AQP7: variants seen among roughly 807,000 people sequenced by gnomAD.
AQP7 encodes aquaporin-7.
Under a neutral mutation model 26.1 loss-of-function variants are expected in AQP7, and 22 were observed. That is an observed-to-expected ratio of 0.84 (90% CI 0.60 to 1.20). The LOEUF (loss-of-function observed/expected upper bound fraction) is 1.20. AQP7 is among the 50% of genes most tolerant of loss of function. The pLI is 0.00. For synonymous variants in AQP7, 167 were observed against 181.7 expected (o/e 0.92, Z 0.65); for missense variants, 412 against 457.5 (o/e 0.90, Z 0.91).
At chr9:33,388,613 A>G (rs1825091890) in intron 3 of AQP7, among the ~76,000 whole-genome samples, 2 of 152,228 alleles carry the variant, frequency 1.3e-5, no homozygotes, top group Non-Finnish European at 2.9e-5. Context: ...CCTACATGCC[A>G]GCGAGTTATA....
intron 3 of AQP7, among the ~76,000 whole-genome samples, chr9:33,391,776 C>T (rs951328108): frequency 9.9e-5 from 15 of 152,184 alleles, no homozygotes; most frequent in African/African-American, 3.6e-4. Context: ...ACACAATGTC[C>T]GATATAGGCT....
At chr9:33,399,117 G>A (rs1280290295) in intron 2 of AQP7, among the ~76,000 whole-genome samples, 1 of 151,592 alleles carries the variant, frequency 6.6e-6, no homozygotes, top group Non-Finnish European at 1.5e-5. Context: ...AGGGATTTCA[G>A]GCATGAGCCA....
At chr9:33,388,654 T>C (rs1231798247) in intron 3 of AQP7, among the ~76,000 whole-genome samples, 1 of 152,172 alleles carries the variant, frequency 6.6e-6, no homozygotes, top group Non-Finnish European at 1.5e-5. Context: ...TTAACACCAA[T>C]CTTATGACTT....
intron 7 of AQP7, 151 bp downstream of exon 7, chr9:33,385,498 T>G: frequency 9.3e-7 from 1 of 1,071,568 alleles, no homozygotes; most frequent in Non-Finnish European, 1.4e-6. Context: ...TGTACTGGCC[T>G]GGGGAAATGT....
chr9:33,384,922 G>A lies in AQP7; in HGVS notation c.*83C>T, dbSNP rs1824591842. On this transcript the variant is annotated 3_prime_UTR_variant, in exon 8 of 8. Transcript: ENST00000297988. ...AACCCAGGAGGGAAGCCCAACCACAGGAGGCCCCCAGGAAGTGGGGGTACT... is the reference window on the plus strand; with the variant it reads ...AACCCAGGAGGGAAGCCCAACCACAAGAGGCCCCCAGGAAGTGGGGGTACT... The A allele has an allele frequency of 6.8e-6, 10 of 1,476,536 alleles. No homozygotes were observed. Among genetic ancestry groups the A allele is most frequent in the Non-Finnish European group, 9.2e-6 (10 of 1,088,268 alleles). The allele number at this position is 1,476,536 out of a possible 1,614,324, so 91.5% of individuals were successfully genotyped here.
chr9:33,387,012 G>A lies in AQP7; in HGVS notation c.225C>T (p.Gly75=). 6.2e-7 allele frequency: 1 copy of A among 1,612,010 alleles called. No individual in the cohort carries two copies. Among genetic ancestry groups the A allele is most frequent in the South Asian group, 1.1e-5 (1 of 90,984 alleles). The change falls in exon 4 of 8, where the codon GGC becomes GGT. Residue 75 remains glycine, a synonymous_variant. Transcript: ENST00000297988. ...GSYLGVNLGF[G]FGVTMGVHVA... ...CGTGCACTCCCATGGTGACTCCGAA[G>A]CCAAAACCCAAGTTGACACCAAGGT... is the stretch of plus-strand genomic sequence containing the variant.
At chr9:33,392,111 C>CA (rs1180582130) in intron 3 of AQP7, among the ~76,000 whole-genome samples, 1 of 152,072 alleles carries the variant, frequency 6.6e-6, no homozygotes, top group African/African-American at 2.4e-5. Flanking sequence ...GTCAGGAGTT[C>CA]AAGACCAGCC....
At chr9:33,391,814 G>T (rs144703473) in intron 3 of AQP7, among the ~76,000 whole-genome samples, 270 of 152,292 alleles carry the variant, frequency 1.8e-3, no homozygotes, top group African/African-American at 6.1e-3. Context: ...TTTTACAAGT[G>T]CTACTGTCTT....
intron 3 of AQP7, 113 bp from the exon 4 acceptor site, chr9:33,387,205 G>C (rs1824925647): frequency 7.7e-7 from 1 of 1,305,508 alleles, no homozygotes; most frequent in African/African-American, 1.5e-5. Context: ...CCCTGGCATT[G>C]CCTCGAAGAC....
chr9:33,386,388 C>T lies in AQP7; in HGVS notation c.406+16G>A, dbSNP rs377452116. The stretch of plus-strand genomic sequence containing the variant: ...GCGGCTGAGGCCAGAGGCGGACACC[C>T]GGGCAGGATACTCACTGTAGAAGAG... On this transcript the variant is annotated intron_variant, in intron 5 of 7. Transcript: ENST00000297988. The T allele has an allele frequency of 1.6e-5, 26 of 1,610,008 alleles. No homozygotes were observed. Among genetic ancestry groups the T allele is most frequent in the Admixed American group, 8.4e-5 (5 of 59,380 alleles).
chr9:33,387,951 C>T (rs915214938), intron 3 of AQP7, among the ~76,000 whole-genome samples: 5 of 152,162 alleles, frequency 3.3e-5, no homozygotes, highest in Admixed American at 1.3e-4. Flanking sequence ...GGAGAGAACA[C>T]GCTGGCCAGC....
Position 33,386,084 on chromosome 9 carries a change from A to C in AQP7, c.518T>G (p.Leu173Arg), listed in dbSNP as rs1397156045. The C allele has an allele frequency of 1.2e-6, 2 of 1,613,258 alleles. No homozygotes were observed. Among genetic ancestry groups the C allele is most frequent in the South Asian group, 2.2e-5 (2 of 91,038 alleles). The change falls in exon 6 of 8, where the codon CTG becomes CGG. Residue 173 changes from leucine to arginine, a missense_variant. Physicochemically the swap from Leu to Arg is moderately radical, Grantham distance 102. Transcript: ENST00000297988. ...TCATCCTCGACCACTGACCTCATTC[A>C]GGAAGCCCCGCCACAATGTCATGTG... ...PDHMTLWRGF[L>R]NEAWLTGMLQ...
chr9:33,387,177 C>G (rs1489178949), intron 3 of AQP7, 85 bp from the exon 4 acceptor site: 3 of 1,427,476 alleles, frequency 2.1e-6, no homozygotes, highest in South Asian at 1.3e-5. Context: ...TAGCTCCTCA[C>G]CCCCATGCCC....
intron 2 of AQP7, among the ~76,000 whole-genome samples, chr9:33,396,459 AAGAG>A (rs1383377875): frequency 2.7e-5 from 4 of 146,104 alleles, no homozygotes; most frequent in African/African-American, 1.0e-4. Context: ...AAAAAAAAAA[AAGAG>A]GAAGAAGAGG....
chr9:33,392,859 C>G (rs1479097698), intron 3 of AQP7, among the ~76,000 whole-genome samples: 22 of 152,152 alleles, frequency 1.4e-4, no homozygotes, highest in Admixed American at 1.4e-3. Context: ...CACAGGTGTA[C>G]TGGGTGCTGA....
chr9:33,384,523 A>AT lies in AQP7; in HGVS notation c.*481dup, dbSNP rs1824564441. The AT allele has an allele frequency of 6.5e-6, 1 of 153,552 alleles. No individual in the cohort carries two copies. Among genetic ancestry groups the AT allele is most frequent in the African/African-American group, 2.4e-5 (1 of 41,482 alleles). The allele number at this position is 153,552 out of a possible 1,614,324, so 9.5% of individuals were successfully genotyped here. A position where few individuals can be genotyped will look rare whatever the true frequency, so the allele number is the denominator to read the frequency against. ...TAGAAGAATACTAGGGAAGGAACTAATGAAAAAAAGGCTAAAAAATTCTGA... is the reference window on the plus strand; with the variant it reads ...TAGAAGAATACTAGGGAAGGAACTAATTGAAAAAAAGGCTAAAAAATTCTGA... On this transcript the variant is annotated 3_prime_UTR_variant, in exon 8 of 8. Transcript: ENST00000297988.
rs746373896 is a variant in AQP7, at chr9:33,387,025, T to G, written c.212A>C (p.Asn71Thr). The change falls in exon 4 of 8, where the codon AAC (asparagine) becomes ACC (threonine). Residue 71 changes from asparagine (N) to threonine (T), a missense_variant. Physicochemically the swap from Asn to Thr is moderately conservative, Grantham distance 65 (BLOSUM62 0). Coordinates refer to ENST00000297988, the MANE Select transcript of AQP7 (RefSeq NM_001170.3). ...NKKYGSYLGVNLGFGFGVTMG... is the reference protein window; with the variant it reads ...NKKYGSYLGVTLGFGFGVTMG... ...GGTGACTCCGAAGCCAAAACCCAAG[T>G]TGACACCAAGGTAGCTCCCATATTT... 6 of 1,611,890 alleles carry G rather than the reference T, an allele frequency of 3.7e-6. No homozygotes were observed. The African/African-American group carries it at 4.0e-5, about 11-fold the overall frequency.
In AQP7 at chr9:33,384,691, T is replaced by G; in HGVS notation, c.*314A>C. ...CCGGCCCCCAACCAGTCAGCTACGGTCTGTTCCCCAAAACCACCCTTCCTT... is the reference window on the plus strand; with the variant it reads ...CCGGCCCCCAACCAGTCAGCTACGGGCTGTTCCCCAAAACCACCCTTCCTT... On this transcript the variant is annotated 3_prime_UTR_variant, in exon 8 of 8. Transcript: ENST00000297988. 1 of 263,090 alleles carries G rather than the reference T, an allele frequency of 3.8e-6. No individual in the cohort carries two copies. The highest frequency in any genetic ancestry group is 7.2e-6 in the Non-Finnish European group (1 of 139,316). 16.3% of individuals were successfully genotyped at this position (263,090 alleles called of 1,614,324 possible). A position where few individuals can be genotyped will look rare whatever the true frequency, so the allele number is the denominator to read the frequency against.
chr9:33,395,256 G>C (rs772527104), intron 2 of AQP7, 61 bp from the exon 3 acceptor site: 21 of 1,434,208 alleles, frequency 1.5e-5, no homozygotes, highest in Non-Finnish European at 2.0e-5. Context: ...GCTGCCCATC[G>C]GCTCTTCAAC....
Sources: gnomAD v4.1 joint callset for allele counts (sites outside exome capture counted in the v4.1 genomes callset) on GRCh38, gnomAD v4.1.1 for gene constraint, MANE v1.5 for transcripts, NCBI Gene and HGNC (gene_info 2026-07-23, HGNC 2026-07-21) for gene names.